The following JUP variants were observed in gnomAD, a reference collection of about 807,000 sequenced individuals.
JUP encodes the protein catenin (cadherin-associated protein), gamma 80kDa.
A neutral mutation model predicts 71.1 loss-of-function variants in JUP; 28 were observed. The observed-to-expected ratio is 0.39, with a 90% CI of 0.29 to 0.54. JUP has a LOEUF of 0.54. JUP is among the 20% of genes least tolerant of loss of function. The pLI is 0.62. For missense variants in JUP, 869 were observed against 1,030.1 expected, an observed-to-expected ratio of 0.84 and a Z score of 2.14; for synonymous variants, 401 against 438.9, an observed-to-expected ratio of 0.91 and a Z score of 1.08.
chr17:41,783,893 C>CAAAAA (rs35672991), intron 1 of JUP, among the ~76,000 whole-genome samples: 57 of 81,862 alleles, frequency 7.0e-4, no homozygotes, highest in East Asian at 1.0e-3. Context: ...GACTCCATCT[C>CAAAAA]AAAAAAAAAA....
At chr17:41,770,329 A>G (rs1555606337) in intron 2 of JUP, among the ~76,000 whole-genome samples, 1 of 152,130 alleles carries the variant, frequency 6.6e-6, no homozygotes, top group African/African-American at 2.4e-5. Flanking sequence ...TCTAGCTTCC[A>G]TCCCCTGGGT....
intron 1 of JUP, among the ~76,000 whole-genome samples, chr17:41,781,548 G>C (rs1221050264): frequency 6.6e-6 from 1 of 152,190 alleles, no homozygotes; most frequent in Non-Finnish European, 1.5e-5. Context: ...CCCAGGAGAG[G>C]CCGCTCAGTG....
intron 4 of JUP, 108 bp from the exon 5 acceptor site, chr17:41,767,688 C>A (rs1425746820): frequency 4.8e-6 from 4 of 840,316 alleles, no homozygotes; most frequent in East Asian, 5.3e-5. Context: ...GCTACTGACG[C>A]CCCTCTGGAA....
In JUP at chr17:41,769,616, G is replaced by A. The variant is rs1340364776; in HGVS notation, c.270C>T (p.Cys90=). The change falls in exon 3 of 14, where the codon TGC becomes TGT. Residue 90 remains cysteine (C), a synonymous_variant. Transcript: ENST00000393931. The stretch of plus-strand genomic sequence containing the variant: ...AGCTGTCCTCGCCTGACACACCAGG[G>A]CACATGGCCTCCCGCACCCGTTTGG... ...ARAKRVREAM[C]PGVSGEDSSL... 2 of 1,605,488 alleles carry A rather than the reference G, an allele frequency of 1.2e-6. No homozygotes were observed. The highest frequency in any genetic ancestry group is 1.7e-6 in the Non-Finnish European group (2 of 1,176,986).
At chr17:41,773,686 G>C (rs1341368052) in intron 1 of JUP, among the ~76,000 whole-genome samples, 1 of 152,122 alleles carries the variant, frequency 6.6e-6, no homozygotes, top group African/African-American at 2.4e-5. Context: ...GGGCAATGGT[G>C]GGGGGCGGGG....
At chr17:41,779,571 G>A (rs1454127393) in intron 1 of JUP, among the ~76,000 whole-genome samples, 1 of 151,856 alleles carries the variant, frequency 6.6e-6, no homozygotes, top group Non-Finnish European at 1.5e-5. Flanking sequence ...CTCGTGATGC[G>A]CCCGCCTCGG....
intron 5 of JUP, among the ~76,000 whole-genome samples, chr17:41,766,858 CAAAA>C (rs568338411): frequency 1.9e-5 from 2 of 105,630 alleles, no homozygotes; most frequent in Non-Finnish European, 2.0e-5. Context: ...CCATCTCAAA[CAAAA>C]AAAAAAAAAG....
At chr17:41,767,040 C>A in intron 5 of JUP, among the ~76,000 whole-genome samples, 1 of 143,046 alleles carries the variant, frequency 7.0e-6, no homozygotes. Flanking sequence ...GAGTGAGACC[C>A]TGTCTCAAAA....
In JUP at chr17:41,771,772, G is replaced by A. The variant is rs782713414; in HGVS notation, c.83C>T (p.Ser28Leu). Residue 28 changes from serine (S) to leucine (L), a missense_variant, in exon 2 of 14, where the codon TCG becomes TTG. Transcript: ENST00000393931. ...GGAGGGCACGCAGGTGTTGGCGCCC[G>A]AGTGGATACCCGAGTCGTAGGTGTA... ...QTYTYDSGIH[S>L]GANTCVPSVS... 1.2e-5 allele frequency: 19 copies of A among 1,614,096 alleles called. No homozygotes were observed. The highest frequency in any genetic ancestry group is 1.6e-4 in the Middle Eastern group (1 of 6,062).
chr17:41,773,566 A>G (rs2143767721), intron 1 of JUP, among the ~76,000 whole-genome samples: 1 of 152,266 alleles, frequency 6.6e-6, no homozygotes, highest in Non-Finnish European at 1.5e-5. Flanking sequence ...GGCATTCGAA[A>G]GTGTAGCTAT....
At chr17:41,777,096 G>T (rs1246853314) in intron 1 of JUP, among the ~76,000 whole-genome samples, 1 of 152,234 alleles carries the variant, frequency 6.6e-6, no homozygotes, top group African/African-American at 2.4e-5. Context: ...GTCTGGGGGA[G>T]CCCTGGCTGC....
In JUP at chr17:41,783,984, G is replaced by A. The variant is rs112053902; in HGVS notation, c.-9+2604C>T. On this transcript the variant is annotated intron_variant, in intron 1 of 13. Coordinates refer to ENST00000393931, the MANE Select transcript of JUP (RefSeq NM_002230.4). ...TTACCGTTTGTCAAGTACTTACTGGGTAGATAGGTATTAGTATTCCCATTT... is the reference window on the plus strand; with the variant it reads ...TTACCGTTTGTCAAGTACTTACTGGATAGATAGGTATTAGTATTCCCATTT... Among the ~76,000 whole-genome samples, 420 of 152,008 alleles carry A rather than the reference G, an allele frequency of 2.8e-3. 6 individuals are homozygous for A. The highest frequency in any genetic ancestry group is 9.6e-3 in the African/African-American group (399 of 41,458).
intron 1 of JUP, among the ~76,000 whole-genome samples, chr17:41,784,545 T>G (rs1180095400): frequency 6.6e-6 from 1 of 152,002 alleles, no homozygotes; most frequent in Non-Finnish European, 1.5e-5. Flanking sequence ...TGCCCTCCCC[T>G]CCTCCACCTT....
rs112151379 is a variant in JUP at position 41,755,646 on chromosome 17, G to A, written c.*98C>T. ...CAAAGGATCCCCCCAAAAAAGGAGC[G>A]CAGGTTTCAGCGGGGAGATGGGAGG... On this transcript the variant is annotated 3_prime_UTR_variant, in exon 14 of 14. Coordinates refer to ENST00000393931, the MANE Select transcript of JUP (RefSeq NM_002230.4). The A allele has an allele frequency of 2.2e-4, 264 of 1,207,204 alleles. 7 individuals are homozygous for A. In the African/African-American group the frequency reaches 2.8e-3, roughly 13 times the overall value. The allele number at this position is 1,207,204 out of a possible 1,614,324, so 74.8% of individuals were successfully genotyped here.
chr17:41,773,905 C>T (rs1917055218), intron 1 of JUP, among the ~76,000 whole-genome samples: 1 of 152,208 alleles, frequency 6.6e-6, no homozygotes, highest in South Asian at 2.1e-4. Context: ...CTGAATGCCG[C>T]TCTGCTGGGC....
intron 2 of JUP, among the ~76,000 whole-genome samples, chr17:41,770,374 G>A (rs560393827): frequency 6.6e-6 from 1 of 152,306 alleles, no homozygotes; most frequent in Admixed American, 6.5e-5. Context: ...TGCCCAAGCA[G>A]CCACACCCTG....
intron 1 of JUP, chr17:41,786,075 G>A (rs1555611690): frequency 6.6e-6 from 1 of 152,218 alleles, no homozygotes; most frequent in African/African-American, 2.4e-5. Context: ...CCCACAGTTG[G>A]GCAAGCTGGG....
chr17:41,771,658 G>A lies in JUP; in HGVS notation c.197C>T (p.Pro66Leu), dbSNP rs542144750. The change falls in exon 2 of 14, where the codon CCC becomes CTC. Residue 66 changes from proline (P) to leucine (L), a missense_variant. Physicochemically the swap from Pro to Leu is moderately conservative, Grantham distance 98. Coordinates refer to ENST00000393931, the MANE Select transcript of JUP (RefSeq NM_002230.4). ...KKTTTYTQGV[P>L]PSQGDLEYQM... ...CCAGGGGTCCTGACCTTGGCTGGGGGGCACCCCCTGGGTGTAAGTGGTGGT... is the reference window on the plus strand; with the variant it reads ...CCAGGGGTCCTGACCTTGGCTGGGGAGCACCCCCTGGGTGTAAGTGGTGGT... 11 of 1,613,314 alleles carry A rather than the reference G, an allele frequency of 6.8e-6. No homozygotes were observed. In the African/African-American group the frequency reaches 9.3e-5, roughly 14 times the overall value.
At chr17:41,758,096 T>A (rs1437688789) in intron 10 of JUP, 2 of 526,982 alleles carry the variant, frequency 3.8e-6, no homozygotes, top group Non-Finnish European at 6.7e-6. Flanking sequence ...GCTGATTTTT[T>A]AAAAATGCTT....
Sources: allele counts gnomAD v4.1 joint callset (sites outside exome capture counted in the v4.1 genomes callset), GRCh38; gene constraint gnomAD v4.1.1; transcripts MANE v1.5; gene names NCBI Gene and HGNC (gene_info 2026-07-23, HGNC 2026-07-21).